The following OPRM1 variants were observed in gnomAD, a reference collection of about 807,000 sequenced individuals.
OPRM1 encodes mu-type opioid receptor.
Under a neutral mutation model 31.8 loss-of-function variants are expected in OPRM1, and 27 were observed. That is an observed-to-expected ratio of 0.85 (90% CI 0.63 to 1.17). OPRM1 has a LOEUF of 1.17. Among genes scored for constraint, OPRM1 ranks in the 50% most tolerant of loss-of-function variants. The pLI is 0.00. For synonymous variants in OPRM1, 196 were observed against 189.9 expected, an observed-to-expected ratio of 1.03 and a Z score of -0.26; for missense variants, 536 against 511.1, an observed-to-expected ratio of 1.05 and a Z score of -0.47.
intron 3 of OPRM1, among the ~76,000 whole-genome samples, chr6:154,117,411 A>G (rs964000757): frequency 3.3e-5 from 5 of 152,188 alleles, no homozygotes; most frequent in African/African-American, 1.2e-4. Context: ...GACCCAGGCA[A>G]TTGACTACTC....
At chr6:154,095,071 C>T (rs767096296) in intron 3 of OPRM1, among the ~76,000 whole-genome samples, 1 of 152,204 alleles carries the variant, frequency 6.6e-6, no homozygotes, top group Non-Finnish European at 1.5e-5. Context: ...GCTAGTGGAT[C>T]ACCTGGGGTC....
intron 3 of OPRM1, among the ~76,000 whole-genome samples, chr6:154,181,780 G>A (rs1800896850): frequency 6.6e-6 from 1 of 152,170 alleles, no homozygotes; most frequent in Non-Finnish European, 1.5e-5. Context: ...AGCAATCTAG[G>A]ACACAAACCA....
intron 3 of OPRM1, chr6:154,223,188 G>C: frequency 6.2e-7 from 1 of 1,613,634 alleles, no homozygotes. Context: ...CTTGCATTCA[G>C]ATGCTCTTTC....
At chr6:154,222,201 C>T (rs560614532) in intron 3 of OPRM1, among the ~76,000 whole-genome samples, 2 of 152,306 alleles carry the variant, frequency 1.3e-5, no homozygotes, top group East Asian at 3.9e-4. Flanking sequence ...TTGAAGATAA[C>T]AAATGAGAAG....
intron 3 of OPRM1, among the ~76,000 whole-genome samples, chr6:154,164,342 C>A (rs1280889091): frequency 6.6e-6 from 1 of 151,976 alleles, no homozygotes; most frequent in Non-Finnish European, 1.5e-5. Context: ...AATTTTTTAC[C>A]ATTTGGCTCA....
chr6:154,070,975 A>G (rs1025407921), intron 1 of OPRM1, among the ~76,000 whole-genome samples: 1 of 152,212 alleles, frequency 6.6e-6, no homozygotes, highest in African/African-American at 2.4e-5. Context: ...ATTTTAATTA[A>G]GGGAACATTG....
intron 3 of OPRM1, chr6:154,223,390 TC>T: frequency 1.5e-6 from 1 of 672,186 alleles, no homozygotes; most frequent in Non-Finnish European, 2.7e-6. Flanking sequence ...CATGGAGGTG[TC>T]CCAGATACAC....
intron 1 of OPRM1, among the ~76,000 whole-genome samples, chr6:154,014,584 A>T (rs116156838): frequency 0.13 from 18,698 of 139,678 alleles, 1,230 homozygotes; most frequent in Non-Finnish European, 0.16. Context: ...AATTTAGATA[A>T]AAAAAAAAGC....
intron 1 of OPRM1, among the ~76,000 whole-genome samples, chr6:154,023,917 T>A (rs1421795064): frequency 6.6e-6 from 1 of 152,150 alleles, no homozygotes; most frequent in African/African-American, 2.4e-5. Context: ...ATTATCTTTT[T>A]AATATATTGT....
intron 1 of OPRM1, among the ~76,000 whole-genome samples, chr6:154,014,243 G>A (rs1046455259): frequency 2.0e-5 from 3 of 152,220 alleles, no homozygotes; most frequent in Non-Finnish European, 4.4e-5. Context: ...GGTCACAGAG[G>A]TGGTGGAGGA....
At chr6:154,139,169 T>G (rs541092123) in intron 3 of OPRM1, among the ~76,000 whole-genome samples, 1 of 152,356 alleles carries the variant, frequency 6.6e-6, no homozygotes, top group South Asian at 2.1e-4. Flanking sequence ...CTTTCCCTAT[T>G]GCGATTCCCC....
chr6:154,016,300 T>C (rs1408717950), intron 1 of OPRM1, among the ~76,000 whole-genome samples: 1 of 152,164 alleles, frequency 6.6e-6, no homozygotes, highest in African/African-American at 2.4e-5. Flanking sequence ...TCTCTGCATA[T>C]CATTATGTAC....
upstream of OPRM1, among the ~76,000 whole-genome samples, chr6:154,037,785 G>A (rs78994545): frequency 6.6e-6 from 1 of 152,008 alleles, no homozygotes; most frequent in East Asian, 1.9e-4. Context: ...CATCCTGTAG[G>A]GTAAAGTAAC....
At chr6:154,093,377 C>T in intron 3 of OPRM1, 1 of 1,614,166 alleles carries the variant, frequency 6.2e-7, no homozygotes, top group Non-Finnish European at 8.5e-7. Flanking sequence ...TCCCAGCTAT[C>T]CTTCACTCGT....
chr6:154,096,714 A>G (rs181990727), intron 3 of OPRM1, among the ~76,000 whole-genome samples: 1 of 152,186 alleles, frequency 6.6e-6, no homozygotes, highest in Non-Finnish European at 1.5e-5. Context: ...TCAAACAGCC[A>G]GGAAGAGGTA....
At chr6:154,140,924 T>C (rs1798190475) in intron 3 of OPRM1, among the ~76,000 whole-genome samples, 1 of 152,208 alleles carries the variant, frequency 6.6e-6, no homozygotes, top group Non-Finnish European at 1.5e-5. Context: ...CTAGATGCTG[T>C]AGAAGCCAGA....
At chr6:154,114,670 G>C (rs1412420850) in intron 3 of OPRM1, among the ~76,000 whole-genome samples, 2 of 151,966 alleles carry the variant, frequency 1.3e-5, no homozygotes, top group Non-Finnish European at 2.9e-5. Flanking sequence ...TTCATTTACA[G>C]TCACAATGTC....
At chr6:154,072,205 C>T (rs1375939448) in intron 1 of OPRM1, among the ~76,000 whole-genome samples, 2 of 152,090 alleles carry the variant, frequency 1.3e-5, no homozygotes, top group African/African-American at 4.8e-5. Context: ...GTGAGATGAT[C>T]AGGAATGTCA....
Position 154,128,276 on chromosome 6 carries a change from A to G in OPRM1, c.*9555A>G, listed in dbSNP as rs776781287. Among the ~76,000 whole-genome samples, 1 of 152,246 alleles carries G rather than the reference A, an allele frequency of 6.6e-6. No individual in the cohort carries two copies. Among genetic ancestry groups the G allele is most frequent in the Non-Finnish European group, 1.5e-5 (1 of 68,042 alleles). ...TAAACTTTACCCACTTATTAAAAGA[A>G]TAAAATGAAGGTGGAGTTAATTCTG... On this transcript the variant is annotated 3_prime_UTR_variant, in exon 4 of 4. Transcript: ENST00000330432.
Sources: gnomAD v4.1 joint callset for allele counts (sites outside exome capture counted in the v4.1 genomes callset) on GRCh38, gnomAD v4.1.1 for gene constraint, MANE v1.5 for transcripts, NCBI Gene and HGNC (gene_info 2026-07-23, HGNC 2026-07-21) for gene names.